Variants in LAMA2 observed in about 807,000 individuals in gnomAD.
The protein encoded by LAMA2 is laminin subunit alpha 2, also known as laminin subunit alpha-2.
LAMA2 carries 269 observed loss-of-function variants against 364.8 expected under a neutral mutation model. The ratio of observed to expected loss-of-function variants is 0.74; its 90% CI spans 0.67 to 0.82. The LOEUF (loss-of-function observed/expected upper bound fraction) is 0.82. Ranked by LOEUF, LAMA2 falls within the 40% of genes least tolerant of loss-of-function variation. The probability of loss-of-function intolerance (pLI) is 0.00; values close to 1 mark genes in which losing one functional copy is unlikely to be tolerated. For synonymous variants in LAMA2, 1,379 were observed against 1,370.6 expected (o/e 1.01, Z -0.14); for missense variants, 3,807 against 3,873.2 (o/e 0.98, Z 0.45).
At chr6:129,299,255 T>C (rs1221787677) in intron 21 of LAMA2, among the ~76,000 whole-genome samples, 5 of 152,062 alleles carry the variant, frequency 3.3e-5, no homozygotes, top group African/African-American at 1.2e-4. Context: ...TCTGGGACCT[T>C]GACTGAGTAA....
intron 14 of LAMA2, among the ~76,000 whole-genome samples, chr6:129,256,762 GC>G (rs1410334143): frequency 2.9e-4 from 8 of 27,758 alleles, no homozygotes; most frequent in Non-Finnish European, 5.1e-4. Context: ...AAATTATATA[GC>G]ATATATATAT....
chr6:128,902,104 A>G (rs993871319), intron 1 of LAMA2, among the ~76,000 whole-genome samples: 5 of 152,210 alleles, frequency 3.3e-5, no homozygotes, highest in African/African-American at 9.6e-5. Context: ...TAAAACCATC[A>G]GACCTCATGA....
At chr6:129,039,082 T>C (rs1245431032) in intron 1 of LAMA2, among the ~76,000 whole-genome samples, 1 of 152,158 alleles carries the variant, frequency 6.6e-6, no homozygotes, top group Non-Finnish European at 1.5e-5. Flanking sequence ...ACTAGTGCTA[T>C]CCATGCCCTC....
At chr6:129,020,582 C>A (rs919406237) in intron 1 of LAMA2, among the ~76,000 whole-genome samples, 1 of 151,668 alleles carries the variant, frequency 6.6e-6, no homozygotes, top group Admixed American at 6.6e-5. Context: ...GTTGTCATAT[C>A]ATGAAGATAA....
At chr6:129,392,908 G>A (rs374531775) in intron 36 of LAMA2, 137 bp from the exon 37 acceptor site, 1 of 677,108 alleles carries the variant, frequency 1.5e-6, no homozygotes. Flanking sequence ...TTAGCACACA[G>A]TGAATCTATT....
intron 55 of LAMA2, among the ~76,000 whole-genome samples, chr6:129,481,646 T>A (rs1394738119): frequency 6.6e-6 from 1 of 152,174 alleles, no homozygotes; most frequent in Non-Finnish European, 1.5e-5. Flanking sequence ...TTCCTGTTGA[T>A]CAATTGTAGG....
intron 1 of LAMA2, among the ~76,000 whole-genome samples, chr6:128,986,478 G>A (rs1582826010): frequency 6.6e-6 from 1 of 152,032 alleles, no homozygotes; most frequent in Non-Finnish European, 1.5e-5. Context: ...ATTCTGACAT[G>A]CCCATTTAGG....
chr6:129,361,568 T>A (rs1278289115), intron 32 of LAMA2, among the ~76,000 whole-genome samples: 1 of 152,180 alleles, frequency 6.6e-6, no homozygotes, highest in Non-Finnish European at 1.5e-5. Context: ...CTTTCCTCTC[T>A]CACGTTGCCT....
chr6:129,358,888 C>A (rs1186625366), intron 32 of LAMA2, among the ~76,000 whole-genome samples: 2 of 151,890 alleles, frequency 1.3e-5, no homozygotes, highest in African/African-American at 2.4e-5. Flanking sequence ...ATCTCTAATT[C>A]TAGGTTCTTC....
chr6:129,136,119 TC>T (rs749263752), intron 4 of LAMA2, among the ~76,000 whole-genome samples: 4 of 152,158 alleles, frequency 2.6e-5, no homozygotes, highest in Non-Finnish European at 5.9e-5. Flanking sequence ...TAATCACTGT[TC>T]CTTTTGTACG....
chr6:129,216,065 A>G (rs1026210474), intron 12 of LAMA2, among the ~76,000 whole-genome samples: 8 of 152,176 alleles, frequency 5.3e-5, no homozygotes, highest in African/African-American at 1.2e-4. Context: ...TGAGCTCAAG[A>G]TATTATCAAA....
chr6:129,338,208 T>C (rs1203728261), intron 29 of LAMA2, among the ~76,000 whole-genome samples: 2 of 152,240 alleles, frequency 1.3e-5, no homozygotes, highest in Admixed American at 1.3e-4. Flanking sequence ...ACTAATGTTA[T>C]ATTTAGGTTA....
chr6:129,475,967 T>A (rs1357819665), intron 53 of LAMA2, among the ~76,000 whole-genome samples: 1 of 152,204 alleles, frequency 6.6e-6, no homozygotes, highest in Non-Finnish European at 1.5e-5. Context: ...TGGTGCCAGA[T>A]GAAGGAATCT....
At chr6:129,418,535 ACTTT>A (rs1408002006) in intron 40 of LAMA2, among the ~76,000 whole-genome samples, 1 of 152,150 alleles carries the variant, frequency 6.6e-6, no homozygotes, top group Non-Finnish European at 1.5e-5. Flanking sequence ...AAATAAAATT[ACTTT>A]CTTTCCCTGT....
chr6:129,510,954 G>T (rs1786523258), intron 62 of LAMA2, among the ~76,000 whole-genome samples: 1 of 152,126 alleles, frequency 6.6e-6, no homozygotes, highest in Non-Finnish European at 1.5e-5. Flanking sequence ...CAAGATTTCT[G>T]CAAATTCACA....
At chr6:129,430,321 T>A (rs1781527491) in intron 41 of LAMA2, among the ~76,000 whole-genome samples, 1 of 152,152 alleles carries the variant, frequency 6.6e-6, no homozygotes, top group African/African-American at 2.4e-5. Flanking sequence ...TATTTCTAAT[T>A]TGTTGCTTGG....
intron 1 of LAMA2, among the ~76,000 whole-genome samples, chr6:128,883,628 G>C (rs1376676770): frequency 6.6e-6 from 1 of 151,868 alleles, no homozygotes; most frequent in African/African-American, 2.4e-5. Flanking sequence ...GATACATCCC[G>C]TAAATTGATT....
At chr6:129,466,734 G>A (rs1478675852) in intron 51 of LAMA2, among the ~76,000 whole-genome samples, 1 of 151,818 alleles carries the variant, frequency 6.6e-6, no homozygotes, top group Non-Finnish European at 1.5e-5. Context: ...GAATGCTTTA[G>A]TAACTACAAG....
chr6:129,064,342 TA>T (rs1347494113), intron 3 of LAMA2, among the ~76,000 whole-genome samples: 6 of 120,390 alleles, frequency 5.0e-5, no homozygotes, highest in African/African-American at 1.9e-4. Context: ...ATTAACAACC[TA>T]AGGTTACATT....
Sources: gnomAD v4.1 joint callset for allele counts (sites outside exome capture counted in the v4.1 genomes callset) on GRCh38, gnomAD v4.1.1 for gene constraint, MANE v1.5 for transcripts, NCBI Gene and HGNC (gene_info 2026-07-23, HGNC 2026-07-21) for gene names.